HDAC9: variants seen among roughly 807,000 people sequenced by gnomAD.
HDAC9 encodes the protein histone deacetylase 9.
In HDAC9, 41 loss-of-function variants were observed where a neutral mutation model predicts 139.4. That is an observed-to-expected ratio of 0.29 (90% confidence interval 0.23 to 0.38). The LOEUF (loss-of-function observed/expected upper bound fraction) is 0.38. Among genes scored for constraint, HDAC9 ranks in the 10% least tolerant of loss-of-function variants. The pLI, the probability that HDAC9 is intolerant of heterozygous loss-of-function variation, is 1.00. For synonymous variants in HDAC9, 517 were observed against 476.2 expected (o/e 1.09, Z -1.12); for missense variants, 1,147 against 1,297.0 (o/e 0.88, Z 1.78).
chr7:18,605,984 C>G (rs941230542), intron 6 of HDAC9, among the ~76,000 whole-genome samples: 8 of 152,068 alleles, frequency 5.3e-5, no homozygotes, highest in African/African-American at 1.7e-4. Flanking sequence ...CTGGCTGCCC[C>G]TGGAGTTTTT....
intron 1 of HDAC9, among the ~76,000 whole-genome samples, chr7:18,156,621 C>T (rs551094679): frequency 6.6e-6 from 1 of 152,284 alleles, no homozygotes; most frequent in African/African-American, 2.4e-5. Flanking sequence ...GTGGGGGTTA[C>T]AAAGATGAAT....
At chr7:18,990,387 A>T (rs907787103) in intron 25 of HDAC9, among the ~76,000 whole-genome samples, 1 of 152,112 alleles carries the variant, frequency 6.6e-6, no homozygotes, top group African/African-American at 2.4e-5. Context: ...GACCCACTTG[A>T]GGAGGCAGTC....
At position 18,647,878 on chromosome 7, in the gene HDAC9, G is replaced by A. The variant is rs548646105; in HGVS notation, c.1129G>A (p.Ala377Thr). 10 of 1,612,586 alleles carry A rather than the reference G, an allele frequency of 6.2e-6. No individual in the cohort carries two copies. In the South Asian group the frequency reaches 1.1e-4, roughly 18 times the overall value. Reference protein sequence around the residue: ...LPGQYGGSIPASSSHPHVTLE... With the variant: ...LPGQYGGSIPTSSSHPHVTLE... ...TGGGCAGTATGGAGGCAGCATCCCGGCATCTTCCAGCCACCCTCATGTTAC... is the reference window on the plus strand; with the variant it reads ...TGGGCAGTATGGAGGCAGCATCCCGACATCTTCCAGCCACCCTCATGTTAC... The change falls in exon 10 of 26, where the codon GCA becomes ACA. Residue 377 changes from alanine to threonine, a missense_variant. Around this residue, in one of 7 missense-constraint regions of HDAC9, gnomAD observed 264 missense variants for 273.8 expected, o/e 0.96. Coordinates refer to ENST00000686413, the MANE Select transcript of HDAC9 (RefSeq NM_178425.4).
chr7:18,416,276 A>ATACTC (rs1256844433), intron 1 of HDAC9, among the ~76,000 whole-genome samples: 1 of 152,170 alleles, frequency 6.6e-6, no homozygotes, highest in Non-Finnish European at 1.5e-5. Context: ...AGCCTGGGCA[A>ATACTC]CAAGAGCAAA....
At chr7:18,182,560 C>T (rs969659568) in intron 2 of HDAC9, among the ~76,000 whole-genome samples, 1 of 152,220 alleles carries the variant, frequency 6.6e-6, no homozygotes, top group Non-Finnish European at 1.5e-5. Context: ...GAGTTTTTCT[C>T]ACAAGCCAGG....
intron 12 of HDAC9, among the ~76,000 whole-genome samples, chr7:18,684,385 A>G (rs141518932): frequency 6.6e-6 from 1 of 152,006 alleles, no homozygotes; most frequent in Admixed American, 6.6e-5. Flanking sequence ...CACACCTACA[A>G]TCCCAGCACT....
chr7:18,573,187 T>C (rs1243021050), intron 2 of HDAC9, among the ~76,000 whole-genome samples: 2 of 152,214 alleles, frequency 1.3e-5, no homozygotes, highest in Admixed American at 6.5e-5. Context: ...TTTAAGAAAC[T>C]AAAGACATGG....
chr7:18,340,888 T>C (rs1562894931), intron 1 of HDAC9, among the ~76,000 whole-genome samples: 1 of 151,638 alleles, frequency 6.6e-6, no homozygotes, highest in Non-Finnish European at 1.5e-5. Context: ...CCTTAAACAT[T>C]TGTTGAAGTC....
chr7:18,386,939 A>G (rs967745779), intron 1 of HDAC9, among the ~76,000 whole-genome samples: 10 of 151,742 alleles, frequency 6.6e-5, no homozygotes, highest in Admixed American at 3.3e-4. Flanking sequence ...CTCTCTTACC[A>G]TTTTCTTCAC....
At chr7:18,953,014 G>A (rs188376084) in intron 23 of HDAC9, among the ~76,000 whole-genome samples, 1 of 152,030 alleles carries the variant, frequency 6.6e-6, no homozygotes, top group East Asian at 1.9e-4. Context: ...TTTCATGATT[G>A]AAGAATAGAA....
chr7:18,557,609 G>C (rs560346321), intron 2 of HDAC9, among the ~76,000 whole-genome samples: 1 of 150,068 alleles, frequency 6.7e-6, no homozygotes, highest in South Asian at 2.1e-4. Context: ...GGGAATTTTT[G>C]ACCTTTTTTT....
chr7:18,827,086 C>CA (rs1020834433), intron 17 of HDAC9, among the ~76,000 whole-genome samples: 13 of 146,380 alleles, frequency 8.9e-5, no homozygotes, highest in South Asian at 2.1e-4. Flanking sequence ...GACCTCGTCT[C>CA]AAAAAAAAAC....
chr7:18,106,310 G>A (rs1024597260), intron 1 of HDAC9, among the ~76,000 whole-genome samples: 1 of 152,146 alleles, frequency 6.6e-6, no homozygotes, highest in Non-Finnish European at 1.5e-5. Flanking sequence ...TCTGACCTTT[G>A]CTGGTTTTCC....
At chr7:18,408,558 T>C (rs1043705383) in intron 1 of HDAC9, among the ~76,000 whole-genome samples, 2 of 152,170 alleles carry the variant, frequency 1.3e-5, no homozygotes, top group Non-Finnish European at 2.9e-5. Context: ...AATTTCTTAA[T>C]ATGGCAGTAA....
chr7:18,282,357 A>G (rs1292936315), intron 2 of HDAC9, among the ~76,000 whole-genome samples: 1 of 152,214 alleles, frequency 6.6e-6, no homozygotes, highest in Non-Finnish European at 1.5e-5. Flanking sequence ...AAGATTATAT[A>G]GTTAGTAAAT....
At chr7:18,322,519 G>A (rs1226650913) in intron 1 of HDAC9, among the ~76,000 whole-genome samples, 1 of 152,086 alleles carries the variant, frequency 6.6e-6, no homozygotes, top group South Asian at 2.1e-4. Context: ...GATATACCGC[G>A]TCCCTTATCT....
At chr7:18,653,543 C>T (rs541480085) in intron 11 of HDAC9, among the ~76,000 whole-genome samples, 23 of 152,156 alleles carry the variant, frequency 1.5e-4, no homozygotes, top group African/African-American at 5.1e-4. Flanking sequence ...TGCCAAGGTT[C>T]GGTCTAGATA....
intron 1 of HDAC9, among the ~76,000 whole-genome samples, chr7:18,157,667 T>A (rs1365350075): frequency 6.6e-6 from 1 of 152,206 alleles, no homozygotes; most frequent in Non-Finnish European, 1.5e-5. Context: ...AAATAGAATC[T>A]AAGGTTTCCA....
intron 25 of HDAC9, among the ~76,000 whole-genome samples, chr7:18,978,059 C>T (rs943641995): frequency 5.9e-5 from 9 of 151,940 alleles, no homozygotes; most frequent in African/African-American, 2.2e-4. Context: ...GGAAAGATGG[C>T]TTTCAAAATG....
Sources: allele counts gnomAD v4.1 joint callset (sites outside exome capture counted in the v4.1 genomes callset), GRCh38; gene constraint gnomAD v4.1.1; regional missense constraint gnomAD v4.1.1; transcripts MANE v1.5; gene names NCBI Gene and HGNC (gene_info 2026-07-23, HGNC 2026-07-21).